The following TPTE variants were observed in gnomAD, a reference collection of about 807,000 sequenced individuals.
The protein encoded by TPTE is transmembrane phosphatase with tensin homology, also known as putative tyrosine-protein phosphatase TPTE.
Under a neutral mutation model 84.1 loss-of-function variants are expected in TPTE, and 59 were observed. The ratio of observed to expected loss-of-function variants is 0.70; its 90% CI spans 0.57 to 0.87. The LOEUF (loss-of-function observed/expected upper bound fraction) is 0.87. TPTE is among the 40% of genes least tolerant of loss of function. The pLI is 0.00. For synonymous variants in TPTE, 130 were observed against 223.5 expected (o/e 0.58, Z 3.73); for missense variants, 382 against 659.6 (o/e 0.58, Z 4.61).
chr21:10,565,490 G>A (rs2074901982), intron 10 of TPTE, among the ~76,000 whole-genome samples: 1 of 152,308 alleles, frequency 6.6e-6, no homozygotes, highest in African/African-American at 2.4e-5. Flanking sequence ...ATTCTTCACA[G>A]AAATAGAAGA....
At position 10,598,043 on chromosome 21, in the gene TPTE, A is replaced by T; in HGVS notation, c.1305A>T (p.Ile435=). ...PRYVRDLKIQ[I]EMEKKVVFST... ...ATGTACGTGATCTAAAAATCCAAAT[A>T]GAAATGGAGAAAAAGGTTGTCTTTT... The change falls in exon 21 of 24, where the codon ATA becomes ATT. Residue 435 remains isoleucine (I), a synonymous_variant. Coordinates refer to ENST00000618007, the MANE Select transcript of TPTE (RefSeq NM_199261.4). 6.2e-7 allele frequency: 1 copy of T among 1,613,830 alleles called. No individual in the cohort carries two copies. Among genetic ancestry groups the T allele is most frequent in the Non-Finnish European group, 8.5e-7 (1 of 1,179,736 alleles).
intron 8 of TPTE, among the ~76,000 whole-genome samples, chr21:10,554,060 G>A (rs2074631500): frequency 6.6e-6 from 1 of 152,286 alleles, no homozygotes; most frequent in Non-Finnish European, 1.5e-5. Context: ...AGTTCTTTAA[G>A]CATATACTTT....
chr21:10,543,416 A>T (rs188794128), intron 7 of TPTE, 34 bp downstream of exon 7: 1 of 1,613,966 alleles, frequency 6.2e-7, no homozygotes, highest in Admixed American at 1.7e-5. Flanking sequence ...ACACGTATGC[A>T]TAAGAGTGCA....
At position 10,604,741 on chromosome 21, in the gene TPTE, A is replaced by ATT. The variant is rs150679063; in HGVS notation, c.1521-667_1521-666dup. 4.6e-5 allele frequency among the ~76,000 whole-genome samples: 7 copies of ATT among 151,038 alleles called. No individual in the cohort carries two copies. In the East Asian group the frequency reaches 9.9e-4, roughly 21 times the overall value. On this transcript the variant is annotated intron_variant, in intron 23 of 23. Transcript: ENST00000618007. ...AAAGTGGTTCTTGCTAAAGGATACC[A>ATT]TTTTTTTTTTCCTTTAAAACACTAT... is the stretch of plus-strand genomic sequence containing the variant.
chr21:10,567,616 C>T (rs2074950609), intron 10 of TPTE, 54 bp from the exon 11 acceptor site: 2 of 1,600,144 alleles, frequency 1.2e-6, no homozygotes, highest in East Asian at 2.2e-5. Context: ...TTTAAATATT[C>T]CTATCTCTTC....
In TPTE at chr21:10,574,502, A is replaced by G. The variant is rs1341953182; in HGVS notation, c.796-2958A>G. Among the ~76,000 whole-genome samples, 6 of 152,304 alleles carry G rather than the reference A, an allele frequency of 3.9e-5. No homozygotes were observed. The East Asian group carries it at 9.6e-4, about 24-fold the overall frequency. ...AAAAAGAAATGTTTAGAGTGATGCA[A>G]GATGGCCAATTAGAAGCAGCTGCAG... On this transcript the variant is annotated intron_variant, in intron 14 of 23. Transcript: ENST00000618007.
Position 10,558,695 on chromosome 21 carries a change from T to C in TPTE, c.234-799T>C, listed in dbSNP as rs1356649162. 1.2e-4 allele frequency among the ~76,000 whole-genome samples: 18 copies of C among 152,400 alleles called. No homozygotes were observed. The East Asian group carries it at 2.7e-3, about 23-fold the overall frequency. On this transcript the variant is annotated intron_variant, in intron 8 of 23. Transcript: ENST00000618007. ...CTCTTGGGGTGGAATTTGAGTCCTG[T>C]GTTGGAGGCTTCAGTATGACAGAAA...
At chr21:10,542,481 C>T in intron 6 of TPTE, 33 bp downstream of exon 6, 1 of 1,606,008 alleles carries the variant, frequency 6.2e-7, no homozygotes, top group Non-Finnish European at 8.5e-7. Flanking sequence ...CACCCGTCAG[C>T]ATAAGTGTGC....
intron 3 of TPTE, among the ~76,000 whole-genome samples, chr21:10,534,668 G>A (rs2074237471): frequency 6.6e-6 from 1 of 152,306 alleles, no homozygotes; most frequent in South Asian, 2.1e-4. Flanking sequence ...ATCAGTGAAA[G>A]GTGTTATGTG....
At position 10,573,334 on chromosome 21, in the gene TPTE, CAG is replaced by C. The variant is rs1175750716; in HGVS notation, c.795+2787_795+2788del. 6.6e-5 allele frequency among the ~76,000 whole-genome samples: 10 copies of C among 152,400 alleles called. No individual in the cohort carries two copies. The East Asian group carries it at 1.5e-3, about 24-fold the overall frequency. ...TGTATGTACCCTACACTAGAGCACTCAGATAAACAAGGCAAATATTTTTAGGT... is the reference window on the plus strand; with the variant it reads ...TGTATGTACCCTACACTAGAGCACTCATAAACAAGGCAAATATTTTTAGGT... On this transcript the variant is annotated intron_variant, in intron 14 of 23. Coordinates refer to ENST00000618007, the MANE Select transcript of TPTE (RefSeq NM_199261.4).
chr21:10,551,809 A>G (rs1340395114), intron 7 of TPTE, among the ~76,000 whole-genome samples: 3 of 152,310 alleles, frequency 2.0e-5, no homozygotes, highest in East Asian at 1.9e-4. Flanking sequence ...GAAAACCTAG[A>G]GGAGGTGGAC....
chr21:10,582,285 C>G (rs1333009427), intron 17 of TPTE, among the ~76,000 whole-genome samples: 1 of 152,308 alleles, frequency 6.6e-6, no homozygotes, highest in Non-Finnish European at 1.5e-5. Flanking sequence ...CTGTTTTGTT[C>G]TCCATTAATT....
chr21:10,540,029 A>G (rs2074338960), intron 4 of TPTE, among the ~76,000 whole-genome samples: 1 of 152,288 alleles, frequency 6.6e-6, no homozygotes, highest in African/African-American at 2.4e-5. Context: ...AAACAACAAC[A>G]ACAAACAAAA....
chr21:10,534,620 G>A (rs1312206524), intron 3 of TPTE, among the ~76,000 whole-genome samples: 1 of 152,310 alleles, frequency 6.6e-6, no homozygotes, highest in Admixed American at 6.5e-5. Context: ...GGAGTCCTCA[G>A]TGAAAGTGAA....
At chr21:10,561,282 A>G (rs894448385) in intron 10 of TPTE, 91 bp downstream of exon 10, 7 of 1,530,892 alleles carry the variant, frequency 4.6e-6, no homozygotes, top group African/African-American at 4.2e-5. Context: ...TCCCAAGGTC[A>G]GGAGTTCGAG....
chr21:10,574,014 A>C (rs1196761258), intron 14 of TPTE, among the ~76,000 whole-genome samples: 1 of 152,308 alleles, frequency 6.6e-6, no homozygotes, highest in Non-Finnish European at 1.5e-5. Flanking sequence ...GGAATTATAA[A>C]GAATTGTGGC....
chr21:10,547,774 C>T (rs1048324936), intron 7 of TPTE, among the ~76,000 whole-genome samples: 2 of 152,310 alleles, frequency 1.3e-5, no homozygotes, highest in Non-Finnish European at 2.9e-5. Context: ...GGAGGTTGGT[C>T]CCAGGACTGG....
intron 4 of TPTE, among the ~76,000 whole-genome samples, chr21:10,539,225 A>G (rs1169875439): frequency 2.0e-5 from 3 of 152,302 alleles, no homozygotes; most frequent in Non-Finnish European, 4.4e-5. Context: ...AGCAGCTGAC[A>G]AGGAGCAGTG....
intron 7 of TPTE, among the ~76,000 whole-genome samples, chr21:10,550,013 C>G (rs1241622558): frequency 2.0e-5 from 3 of 152,308 alleles, no homozygotes; most frequent in Non-Finnish European, 4.4e-5. Context: ...ATGATACATT[C>G]GAAGTTCTGA....
Sources: gnomAD v4.1 joint callset for allele counts (sites outside exome capture counted in the v4.1 genomes callset) on GRCh38, gnomAD v4.1.1 for gene constraint, MANE v1.5 for transcripts, NCBI Gene and HGNC (gene_info 2026-07-23, HGNC 2026-07-21) for gene names.